The following AFF2 variants were observed in gnomAD, a reference collection of about 807,000 sequenced individuals.
AFF2 encodes the protein AF4/FMR2 family member 2.
A neutral mutation model predicts 76.9 loss-of-function variants in AFF2; 14 were observed. The ratio of observed to expected loss-of-function variants is 0.18; its 90% CI spans 0.12 to 0.28. The LOEUF (loss-of-function observed/expected upper bound fraction) is 0.28, where lower values mean the gene tolerates loss of function less well. Ranked by LOEUF, AFF2 falls within the 10% of genes least tolerant of loss-of-function variation. The probability of loss-of-function intolerance (pLI) is 1.00; values close to 1 mark genes in which losing one functional copy is unlikely to be tolerated. For missense variants in AFF2, 868 were observed against 1,001.1 expected (o/e 0.87, Z 1.79); for synonymous variants, 398 against 366.7 (o/e 1.09, Z -0.98).
At chrX:148,533,739 A>T (rs1463671803) in intron 1 of AFF2, among the ~76,000 whole-genome samples, 1 of 112,323 alleles carries the variant, frequency 8.9e-6, no homozygotes, top group Non-Finnish European at 1.9e-5. Flanking sequence ...CCATTATTCT[A>T]ATAAGAACTT....
chrX:148,860,629 A>G (rs782530194), intron 7 of AFF2, among the ~76,000 whole-genome samples: 44 of 112,203 alleles, frequency 3.9e-4, no homozygotes, highest in African/African-American at 1.3e-3. Context: ...TCACGGTAAT[A>G]TTTTAAATAG....
At chrX:148,914,010 T>G (rs2071499558) in intron 9 of AFF2, among the ~76,000 whole-genome samples, 1 of 112,030 alleles carries the variant, frequency 8.9e-6, no homozygotes, top group African/African-American at 3.3e-5. Context: ...AAATAAGATC[T>G]CTACTGTGAG....
chrX:148,706,084 C>T (rs1557262371), intron 3 of AFF2, among the ~76,000 whole-genome samples: 2 of 111,942 alleles, frequency 1.8e-5, no homozygotes, highest in Admixed American at 9.5e-5. Flanking sequence ...TTCTTAAACC[C>T]TTAACTTATT....
At chrX:148,652,778 A>G (rs189519164) in intron 2 of AFF2, among the ~76,000 whole-genome samples, 211 of 111,804 alleles carry the variant, frequency 1.9e-3, no homozygotes, top group South Asian at 3.4e-3. Context: ...TGATTTTACA[A>G]TGACTGCTTC....
intron 7 of AFF2, among the ~76,000 whole-genome samples, chrX:148,864,833 G>A (rs1297968708): frequency 9.0e-6 from 1 of 111,565 alleles, no homozygotes; most frequent in Non-Finnish European, 1.9e-5. Context: ...TTCCTGACAA[G>A]CTCTCTCTCA....
chrX:148,748,164 TAC>T (rs1478518611), intron 3 of AFF2, among the ~76,000 whole-genome samples: 1 of 112,170 alleles, frequency 8.9e-6, no homozygotes, highest in Non-Finnish European at 1.9e-5. Context: ...TTATATAAAA[TAC>T]AGTTAGCGGC....
intron 9 of AFF2, among the ~76,000 whole-genome samples, chrX:148,938,717 A>G (rs1557285283): frequency 8.9e-6 from 1 of 112,109 alleles, no homozygotes; most frequent in Non-Finnish European, 1.9e-5. Context: ...CTGTAACAAC[A>G]TTAGTAACAT....
intron 3 of AFF2, among the ~76,000 whole-genome samples, chrX:148,683,396 A>G (rs1557260094): frequency 2.7e-5 from 3 of 112,021 alleles, no homozygotes; most frequent in African/African-American, 6.5e-5. Flanking sequence ...GTATCAGTCT[A>G]CGTAGTACTC....
chrX:148,865,095 ATAACT>A (rs1163987382), intron 7 of AFF2, among the ~76,000 whole-genome samples: 2 of 112,596 alleles, frequency 1.8e-5, no homozygotes, highest in African/African-American at 6.5e-5. Flanking sequence ...ATAATGTGAA[ATAACT>A]TTATTAGAGA....
chrX:148,632,566 C>T (rs188020659), intron 1 of AFF2, among the ~76,000 whole-genome samples: 158 of 111,240 alleles, frequency 1.4e-3, no homozygotes, highest in African/African-American at 4.9e-3. Flanking sequence ...TTTGTACTCT[C>T]GCCGATCATT....
chrX:148,805,738 G>A (rs187352671), intron 3 of AFF2, among the ~76,000 whole-genome samples: 398 of 112,666 alleles, frequency 3.5e-3, no homozygotes, highest in South Asian at 0.018. Flanking sequence ...TCTCTCTGTG[G>A]CTACATGGGG....
At chrX:148,773,641 A>AGGAG (rs1251286419) in intron 3 of AFF2, among the ~76,000 whole-genome samples, 4 of 99,517 alleles carry the variant, frequency 4.0e-5, no homozygotes, top group African/African-American at 1.5e-4. Flanking sequence ...AAGGAAGGAA[A>AGGAG]GGAGGGAGGG....
chrX:148,906,314 A>C (rs782766243), intron 9 of AFF2, among the ~76,000 whole-genome samples: 7 of 112,040 alleles, frequency 6.2e-5, no homozygotes, highest in Non-Finnish European at 9.4e-5. Context: ...CTATGCCCCC[A>C]GTTCAGCAGG....
At chrX:148,700,929 A>G (rs1024349815) in intron 3 of AFF2, among the ~76,000 whole-genome samples, 2 of 109,641 alleles carry the variant, frequency 1.8e-5, no homozygotes, top group Admixed American at 9.7e-5. Context: ...ATTTCAGTTC[A>G]TAATTTGGGG....
chrX:148,962,895 T>C lies in AFF2; in HGVS notation c.2871T>C (p.Thr957=), dbSNP rs1802218923. Reference sequence around the variant, plus strand: ...TCACATCTACCAAACCTAAGAGAACTGAAGGCAAATTCTGTGCTACTTTCA... The same window carrying C: ...TCACATCTACCAAACCTAAGAGAACCGAAGGCAAATTCTGTGCTACTTTCA... ...GQITSTKPKR[T]EGKFCATFKG... is the part of the protein sequence containing the mutation. The change falls in exon 13 of 21, where the codon ACT becomes ACC. Residue 957 remains threonine (T), a synonymous_variant. Transcript: ENST00000370460. 1 of 1,204,254 alleles carries C rather than the reference T, an allele frequency of 8.3e-7. No individual in the cohort carries two copies. The highest frequency in any genetic ancestry group is 1.1e-6 in the Non-Finnish European group (1 of 890,080).
chrX:148,714,754 C>A (rs1180618733), intron 3 of AFF2, among the ~76,000 whole-genome samples: 2 of 111,967 alleles, frequency 1.8e-5, no homozygotes, highest in Admixed American at 9.5e-5. Flanking sequence ...CTGTCTCATT[C>A]ACTTCTGTAT....
intron 3 of AFF2, among the ~76,000 whole-genome samples, chrX:148,670,652 C>T (rs1420811878): frequency 1.8e-5 from 2 of 111,110 alleles, no homozygotes; most frequent in African/African-American, 6.6e-5. Flanking sequence ...TCCTAGGAGA[C>T]CTAGGAATTC....
At chrX:148,734,324 C>T (rs1377693137) in intron 3 of AFF2, among the ~76,000 whole-genome samples, 1 of 111,827 alleles carries the variant, frequency 8.9e-6, no homozygotes, top group Non-Finnish European at 1.9e-5. Context: ...ATATTATGTG[C>T]TTGGCACTCT....
rs1391764400 is a variant in AFF2, at chrX:148,971,756, T to C, written c.3268-1715T>C. Among the ~76,000 whole-genome samples, 7 of 77,909 alleles carry C rather than the reference T, an allele frequency of 9.0e-5. No individual in the cohort carries two copies. In the South Asian group the frequency reaches 4.3e-3, roughly 48 times the overall value. The allele number at this position is 77,909 out of a possible 115,157, so 67.7% of individuals were successfully genotyped here. A position where few individuals can be genotyped will look rare whatever the true frequency, so the allele number is the denominator to read the frequency against. On this transcript the variant is annotated intron_variant, in intron 15 of 20. Coordinates refer to ENST00000370460, the MANE Select transcript of AFF2 (RefSeq NM_002025.4). ...ATTTTTTTTTCTATTTCTTTTTTTT[T>C]TTTTTTTTTTTTTAATGTTTTTTTT...
Sources: allele counts gnomAD v4.1 joint callset (sites outside exome capture counted in the v4.1 genomes callset), GRCh38; gene constraint gnomAD v4.1.1; transcripts MANE v1.5; gene names NCBI Gene and HGNC (gene_info 2026-07-23, HGNC 2026-07-21).